SCN10A: variants seen among roughly 807,000 people sequenced by gnomAD.
SCN10A encodes sodium channel protein type 10 subunit alpha.
Under a neutral mutation model 170.7 loss-of-function variants are expected in SCN10A, and 162 were observed. The ratio of observed to expected loss-of-function variants is 0.95; its 90% confidence interval spans 0.84 to 1.08. The LOEUF (loss-of-function observed/expected upper bound fraction) is 1.08. Among genes scored for constraint, SCN10A ranks in the 50% least tolerant of loss-of-function variants. SCN10A has a pLI of 0.00. For missense variants in SCN10A, 2,527 were observed against 2,436.9 expected, an observed-to-expected ratio of 1.04 and a Z score of -0.78; for synonymous variants, 985 against 904.6, an observed-to-expected ratio of 1.09 and a Z score of -1.59.
chr3:38,714,142 G>T, intron 21 of SCN10A, 62 bp from the exon 22 acceptor site: 1 of 1,598,222 alleles, frequency 6.3e-7, no homozygotes. Context: ...CCTCGTGGAA[G>T]GAGACAGGAA....
chr3:38,778,605 A>G (rs1240211070), intron 4 of SCN10A, among the ~76,000 whole-genome samples: 2 of 152,026 alleles, frequency 1.3e-5, no homozygotes, highest in Non-Finnish European at 2.9e-5. Flanking sequence ...AGGGAAGATA[A>G]GGAAAAAGAT....
At position 38,732,396 on chromosome 3, in the gene SCN10A, C is replaced by T. The variant is rs1175159446; in HGVS notation, c.2281-3495G>A. Among the ~76,000 whole-genome samples the T allele has an allele frequency of 2.6e-5, 4 of 152,306 alleles. No individual in the cohort carries two copies. In the East Asian group the frequency reaches 7.7e-4, roughly 29 times the overall value. On this transcript the variant is annotated intron_variant, in intron 15 of 27. Coordinates refer to ENST00000449082, the MANE Select transcript of SCN10A (RefSeq NM_006514.4). The stretch of plus-strand genomic sequence containing the variant: ...TCACGATATGGGATAATCCTAGATC[C>T]TTGAGGCGCTACTTGAAGTAGACAC...
chr3:38,736,962 C>CGTTTTTTTTTTTT (rs2063568108), intron 15 of SCN10A, among the ~76,000 whole-genome samples: 2 of 69,254 alleles, frequency 2.9e-5, no homozygotes, highest in African/African-American at 5.2e-5. Flanking sequence ...CAGAAATGTT[C>CGTTTTTTTTTTTT]GTTTTTTTTT....
At chr3:38,711,552 C>T (rs775401705) in intron 23 of SCN10A, among the ~76,000 whole-genome samples, 1 of 152,140 alleles carries the variant, frequency 6.6e-6, no homozygotes, top group Non-Finnish European at 1.5e-5. Context: ...CCTGGCATAC[C>T]AGAGCTACTC....
chr3:38,776,502 T>C (rs886898675), intron 4 of SCN10A, among the ~76,000 whole-genome samples: 3 of 152,140 alleles, frequency 2.0e-5, no homozygotes, highest in African/African-American at 7.2e-5. Flanking sequence ...CAAGATAAAC[T>C]GCCTATGATT....
intron 5 of SCN10A, among the ~76,000 whole-genome samples, chr3:38,769,813 A>G (rs1039650959): frequency 6.6e-5 from 10 of 152,100 alleles, no homozygotes; most frequent in African/African-American, 1.9e-4. Flanking sequence ...GCTGGACTGC[A>G]GTGATCGTTA....
intron 6 of SCN10A, among the ~76,000 whole-genome samples, chr3:38,761,815 AGTGTGTGTGTGT>A (rs10637333): frequency 1.4e-5 from 2 of 142,116 alleles, no homozygotes. Flanking sequence ...ACTGTGTGTG[AGTGTGTGTGTGT>A]GTGTGTGTGT....
Position 38,707,285 on chromosome 3 carries a change from C to T in SCN10A, c.4380G>A (p.Arg1460=), listed in dbSNP as rs376437999. The change falls in exon 26 of 28, where the codon CGG becomes CGA. Residue 1460 remains arginine (R), a synonymous_variant. Transcript: ENST00000449082. ...GGAAACCTCTGGGGCTCACCAGGGG[C>T]CGTGGGATGGGCTTCTGGGGCTTCT... ...GSKKPQKPIP[R]PLNKFQGFVF... is the part of the protein sequence containing the mutation. 2 of 1,613,776 alleles carry T rather than the reference C, an allele frequency of 1.2e-6. No individual in the cohort carries two copies. Among genetic ancestry groups the T allele is most frequent in the South Asian group, 1.1e-5 (1 of 91,064 alleles).
chr3:38,706,214 A>G (rs2063209741), intron 26 of SCN10A, among the ~76,000 whole-genome samples: 1 of 152,320 alleles, frequency 6.6e-6, no homozygotes, highest in East Asian at 1.9e-4. Flanking sequence ...CTTTGTTCTG[A>G]CAAAGTTTGA....
At chr3:38,795,328 T>A (rs1418389746) in intron 1 of SCN10A, among the ~76,000 whole-genome samples, 2 of 145,384 alleles carry the variant, frequency 1.4e-5, no homozygotes, top group East Asian at 4.0e-4. Context: ...GTCTTTTTTG[T>A]TTTTTTCTTT....
chr3:38,757,002 G>T lies in SCN10A; in HGVS notation c.1092+16C>A. The T allele has an allele frequency of 1.2e-6, 2 of 1,605,194 alleles. No homozygotes were observed. Among genetic ancestry groups the T allele is most frequent in the Non-Finnish European group, 8.5e-7 (1 of 1,175,854 alleles). ...AGCCTCCAACCAAGTCTGCGTGGGG[G>T]AATGCAGCTCAGTACCTGCTGGTAG... On this transcript the variant is annotated intron_variant, in intron 9 of 27. Transcript: ENST00000449082.
intron 13 of SCN10A, 48 bp from the exon 14 acceptor site, chr3:38,742,577 G>A: frequency 1.4e-6 from 2 of 1,460,980 alleles, no homozygotes; most frequent in East Asian, 4.5e-5. Flanking sequence ...GTGTCACCTT[G>A]GACCCCAATT....
At chr3:38,772,024 G>C (rs556510801) in intron 4 of SCN10A, among the ~76,000 whole-genome samples, 24 of 152,296 alleles carry the variant, frequency 1.6e-4, no homozygotes, top group African/African-American at 5.8e-4. Flanking sequence ...GCTGCTTTAT[G>C]CCATCCATTC....
At chr3:38,747,061 C>T (rs1255098505) in intron 13 of SCN10A, among the ~76,000 whole-genome samples, 1 of 152,162 alleles carries the variant, frequency 6.6e-6, no homozygotes, top group Non-Finnish European at 1.5e-5. Context: ...ATGAATATAA[C>T]ATCCAACCAG....
chr3:38,712,124 A>C (rs754959762), intron 23 of SCN10A, 37 bp downstream of exon 23: 2 of 1,604,184 alleles, frequency 1.2e-6, no homozygotes, highest in Admixed American at 3.4e-5. Context: ...TTGAGCGGCC[A>C]AAGCAAGAGA....
intron 13 of SCN10A, among the ~76,000 whole-genome samples, chr3:38,747,997 G>A (rs2063709438): frequency 6.6e-6 from 1 of 152,128 alleles, no homozygotes; most frequent in African/African-American, 2.4e-5. Context: ...CTGAATCCCA[G>A]CACCTGAAGC....
At chr3:38,747,349 T>C (rs1000321735) in intron 13 of SCN10A, among the ~76,000 whole-genome samples, 1 of 152,184 alleles carries the variant, frequency 6.6e-6, no homozygotes, top group Non-Finnish European at 1.5e-5. Context: ...TTCTGGGTAA[T>C]GGAGGTCAGG....
chr3:38,725,672 G>C (rs1257480940), intron 17 of SCN10A, among the ~76,000 whole-genome samples: 1 of 152,234 alleles, frequency 6.6e-6, no homozygotes, highest in Non-Finnish European at 1.5e-5. Context: ...CGAAGTGCTT[G>C]GCTCAATAGA....
intron 20 of SCN10A, among the ~76,000 whole-genome samples, chr3:38,719,450 G>A (rs1477038229): frequency 7.6e-6 from 1 of 132,448 alleles, no homozygotes; most frequent in African/African-American, 2.8e-5. Flanking sequence ...CTGGAGTGCA[G>A]TAGCGGGATC....
Sources: gnomAD v4.1 joint callset for allele counts (sites outside exome capture counted in the v4.1 genomes callset) on GRCh38, gnomAD v4.1.1 for gene constraint, MANE v1.5 for transcripts, NCBI Gene and HGNC (gene_info 2026-07-23, HGNC 2026-07-21) for gene names.